Variants in ITGA11 observed in about 807,000 individuals in gnomAD.
The protein encoded by ITGA11 is integrin alpha-11.
In ITGA11, 97 loss-of-function variants were observed where a neutral mutation model predicts 141.9. The observed-to-expected ratio is 0.68, with a 90% CI of 0.58 to 0.81. The LOEUF (loss-of-function observed/expected upper bound fraction) is 0.81. Among genes scored for constraint, ITGA11 ranks in the 30% least tolerant of loss-of-function variants. The probability of loss-of-function intolerance (pLI) is 0.00; values close to 1 mark genes in which losing one functional copy is unlikely to be tolerated. For synonymous variants in ITGA11, 658 were observed against 624.6 expected (o/e 1.05, Z -0.80); for missense variants, 1,387 against 1,559.2 (o/e 0.89, Z 1.86).
chr15:68,344,974 C>T (rs561827937), intron 10 of ITGA11, among the ~76,000 whole-genome samples: 2 of 152,124 alleles, frequency 1.3e-5, no homozygotes, highest in East Asian at 3.9e-4. Flanking sequence ...CACCCATGCC[C>T]ATCAATTCTT....
intron 7 of ITGA11, 118 bp from the exon 8 acceptor site, chr15:68,351,520 A>G (rs923372275): frequency 1.8e-6 from 2 of 1,118,310 alleles, no homozygotes; most frequent in Non-Finnish European, 2.6e-6. Flanking sequence ...GGGCAACCCA[A>G]CAGGTGCCAG....
rs983075438 is a variant in ITGA11 at position 68,307,205 on chromosome 15, C to T, written c.3381+143G>A. 3.1e-6 allele frequency: 2 copies of T among 635,048 alleles called. No homozygotes were observed. The highest frequency in any genetic ancestry group is 5.4e-6 in the Non-Finnish European group (2 of 367,488). The allele number at this position is 635,048 out of a possible 1,614,324, so 39.3% of individuals were successfully genotyped here. ...TTTTTCCCTCTTTTCAGCGGCTGCC[C>T]TAACAGCCCACAGGTCTGCCTGATT... On this transcript the variant is annotated intron_variant, in intron 28 of 29. Transcript: ENST00000315757. The surrounding 1 kb of genome is among the most constrained non-coding windows in gnomAD (Gnocchi z 6.1).
intron 2 of ITGA11, among the ~76,000 whole-genome samples, chr15:68,377,775 GC>G (rs1256951805): frequency 1.3e-5 from 2 of 152,160 alleles, no homozygotes; most frequent in Non-Finnish European, 2.9e-5. Flanking sequence ...ATCTATCAAT[GC>G]CCCCGTTGGA....
intron 4 of ITGA11, among the ~76,000 whole-genome samples, chr15:68,363,429 C>T (rs1162649004): frequency 2.6e-5 from 4 of 152,150 alleles, no homozygotes; most frequent in Admixed American, 2.0e-4. Flanking sequence ...CTGGTTATGG[C>T]TAATAAAGGG....
chr15:68,403,503 G>A (rs544753343), intron 1 of ITGA11, among the ~76,000 whole-genome samples: 6 of 152,212 alleles, frequency 3.9e-5, no homozygotes, highest in African/African-American at 7.2e-5. Context: ...ACGCTGGCTC[G>A]CCTTCACCTT....
Position 68,325,318 on chromosome 15 carries a change from T to C in ITGA11, c.2212-77A>G, listed in dbSNP as rs1366633394. 4.0e-6 allele frequency: 4 copies of C among 992,402 alleles called. No individual in the cohort carries two copies. The Admixed American group carries it at 5.5e-5, about 14-fold the overall frequency. 61.5% of individuals were successfully genotyped at this position (992,402 alleles called of 1,614,324 possible). Reference sequence around the variant, plus strand: ...TGAGCCAGGACCGTGGATGCTGAGATAGAACTTCCACCTTCCTTAGATGGC... The same window carrying C: ...TGAGCCAGGACCGTGGATGCTGAGACAGAACTTCCACCTTCCTTAGATGGC... On this transcript the variant is annotated intron_variant, in intron 17 of 29. Transcript: ENST00000315757. This position sits in a 1 kb window ranked among gnomAD's most constrained non-coding sequence, Gnocchi z 5.5.
At chr15:68,412,668 CTTTTTTTT>C (rs71145169) in intron 1 of ITGA11, among the ~76,000 whole-genome samples, 1,563 of 59,436 alleles carry the variant, frequency 0.026, 16 homozygotes, top group South Asian at 0.093. Context: ...AACTTATTCG[CTTTTTTTT>C]TTTTTTTTTT....
Position 68,321,635 on chromosome 15 carries a change from T to G in ITGA11, c.2323-132A>C, listed in dbSNP as rs1353005618. 6.1e-6 allele frequency: 3 copies of G among 494,700 alleles called. No individual in the cohort carries two copies. The highest frequency in any genetic ancestry group is 1.1e-5 in the Non-Finnish European group (3 of 272,642). The allele number at this position is 494,700 out of a possible 1,614,324, so 30.6% of individuals were successfully genotyped here. ...CCTGCACTGTCCCCAGACACCACAC[T>G]GCTCTGTCTTGTGCTTTTCCATAGA... On this transcript the variant is annotated intron_variant, in intron 18 of 29. Coordinates refer to ENST00000315757, the MANE Select transcript of ITGA11 (RefSeq NM_001004439.2). This position sits in a 1 kb window ranked among gnomAD's most constrained non-coding sequence, Gnocchi z 4.9.
At chr15:68,349,291 C>G (rs1037666732) in intron 9 of ITGA11, among the ~76,000 whole-genome samples, 1 of 152,186 alleles carries the variant, frequency 6.6e-6, no homozygotes, top group Non-Finnish European at 1.5e-5. Context: ...TTGTTCATTC[C>G]TTTTATTCAC....
At chr15:68,360,494 T>TGC (rs1895207143) in intron 5 of ITGA11, among the ~76,000 whole-genome samples, 1 of 152,094 alleles carries the variant, frequency 6.6e-6, no homozygotes, top group African/African-American at 2.4e-5. Flanking sequence ...CACGCACGCA[T>TGC]GCACACACAC....
At chr15:68,316,435 G>A (rs1039154521) in intron 21 of ITGA11, among the ~76,000 whole-genome samples, 13 of 152,226 alleles carry the variant, frequency 8.5e-5, no homozygotes, top group African/African-American at 3.1e-4. Flanking sequence ...TTTCCCAGGA[G>A]ACCTCAGCGG....
chr15:68,325,769 T>C lies in ITGA11; in HGVS notation c.2212-528A>G, dbSNP rs1893954554. 6.6e-6 allele frequency among the ~76,000 whole-genome samples: 1 copy of C among 152,184 alleles called. No homozygotes were observed. The highest frequency in any genetic ancestry group is 1.5e-5 in the Non-Finnish European group (1 of 68,040). ...CGTGAGCAAGACAGGGGCGCTCAGGTTGGTTCTGAGCATAGATGGTAAGTA... is the reference window on the plus strand; with the variant it reads ...CGTGAGCAAGACAGGGGCGCTCAGGCTGGTTCTGAGCATAGATGGTAAGTA... On this transcript the variant is annotated intron_variant, in intron 17 of 29. Transcript: ENST00000315757. The surrounding 1 kb of genome is among the most constrained non-coding windows in gnomAD (Gnocchi z 5.5).
chr15:68,370,718 A>G (rs1009411895), intron 2 of ITGA11, among the ~76,000 whole-genome samples: 1 of 152,222 alleles, frequency 6.6e-6, no homozygotes, highest in Non-Finnish European at 1.5e-5. Context: ...TGGAGAACAG[A>G]TGATGGTGGG....
chr15:68,317,937 C>T (rs1337333805), intron 20 of ITGA11, among the ~76,000 whole-genome samples: 7 of 152,238 alleles, frequency 4.6e-5, no homozygotes, highest in African/African-American at 1.7e-4. Flanking sequence ...TGTGCATGTA[C>T]CTGCTGCATG....
At chr15:68,391,225 T>A (rs1210790513) in intron 2 of ITGA11, among the ~76,000 whole-genome samples, 1 of 152,094 alleles carries the variant, frequency 6.6e-6, no homozygotes, top group Non-Finnish European at 1.5e-5. Context: ...AAGGCCACCC[T>A]CTCTGTTTCT....
At position 68,331,880 on chromosome 15, in the gene ITGA11, G is replaced by T; in HGVS notation, c.1749C>A (p.Ser583Arg). 1.9e-6 allele frequency: 3 copies of T among 1,612,648 alleles called. No homozygotes were observed. The highest frequency in any genetic ancestry group is 1.7e-6 in the Non-Finnish European group (2 of 1,179,410). ...TGACCTGCTTAGGTGTCTTCAGGAT[G>T]CTGCCTCGGAAGCCGTGGAAGATGT... is the stretch of plus-strand genomic sequence containing the variant. Reference protein sequence around the residue: ...AIYIFHGFRGSILKTPKQRIT... With the variant: ...AIYIFHGFRGRILKTPKQRIT... The change falls in exon 14 of 30, where the codon AGC (serine) becomes AGA (arginine). Residue 583 changes from serine to arginine, a missense_variant. Coordinates refer to ENST00000315757, the MANE Select transcript of ITGA11 (RefSeq NM_001004439.2).
intron 4 of ITGA11, among the ~76,000 whole-genome samples, chr15:68,363,915 C>G (rs1439266945): frequency 6.6e-6 from 1 of 152,168 alleles, no homozygotes; most frequent in Non-Finnish European, 1.5e-5. Flanking sequence ...TGTCTGTCCC[C>G]CAAAGTCCTA....
chr15:68,372,560 G>A (rs1595882461), intron 2 of ITGA11, among the ~76,000 whole-genome samples: 1 of 152,214 alleles, frequency 6.6e-6, no homozygotes, highest in Admixed American at 6.5e-5. Flanking sequence ...CGGTGGATGG[G>A]AAAATGGGCA....
chr15:68,312,854 G>A lies in ITGA11; in HGVS notation c.2892C>T (p.Ser964=). The change falls in exon 24 of 30, where the codon AGC becomes AGT. Residue 964 remains serine, a synonymous_variant. Coordinates refer to ENST00000315757, the MANE Select transcript of ITGA11 (RefSeq NM_001004439.2). The part of the protein sequence containing the change: ...EADVLFTRSS[S]LSHYEVKPNS... ...TGGGCTTGACCTCGTAGTGGCTCAGGCTGCTGCTCCTGCGGAGACAGAGGA... is the reference window on the plus strand; with the variant it reads ...TGGGCTTGACCTCGTAGTGGCTCAGACTGCTGCTCCTGCGGAGACAGAGGA... 2 of 1,612,848 alleles carry A rather than the reference G, an allele frequency of 1.2e-6. No individual in the cohort carries two copies. Among genetic ancestry groups the A allele is most frequent in the Non-Finnish European group, 8.5e-7 (1 of 1,179,020 alleles).
Sources: gnomAD v4.1 joint callset for allele counts (sites outside exome capture counted in the v4.1 genomes callset) on GRCh38, gnomAD v4.1.1 for gene constraint, Gnocchi (gnomAD v3.1) non-coding constraint, MANE v1.5 for transcripts, NCBI Gene and HGNC (gene_info 2026-07-23, HGNC 2026-07-21) for gene names.